NLGN1: variants seen among roughly 807,000 people sequenced by gnomAD.
NLGN1 encodes neuroligin 1.
Under a neutral mutation model 65.5 loss-of-function variants are expected in NLGN1, and 12 were observed. That is an observed-to-expected ratio of 0.18 (90% CI 0.12 to 0.30). NLGN1 has a LOEUF of 0.30. Ranked by LOEUF, NLGN1 falls within the 10% of genes least tolerant of loss-of-function variation. The probability of loss-of-function intolerance (pLI) is 1.00; values close to 1 mark genes in which losing one functional copy is unlikely to be tolerated. For synonymous variants in NLGN1, 350 were observed against 359.5 expected (o/e 0.97, Z 0.30); for missense variants, 750 against 1,007.1 (o/e 0.74, Z 3.46).
intron 4 of NLGN1, among the ~76,000 whole-genome samples, chr3:173,969,066 A>T (rs959568717): frequency 1.5e-4 from 9 of 58,584 alleles, no homozygotes; most frequent in African/African-American, 6.0e-4. Context: ...AGAAGATTTA[A>T]AAAAAAAAAT....
chr3:173,989,221 T>A (rs1720576928), intron 4 of NLGN1, among the ~76,000 whole-genome samples: 1 of 152,158 alleles, frequency 6.6e-6, no homozygotes, highest in Non-Finnish European at 1.5e-5. Context: ...ACACATTCCT[T>A]ACCATTGGGC....
rs549670531 is a variant in NLGN1, at chr3:173,490,607, G to A, written c.-321+55529G>A. On this transcript the variant is annotated intron_variant, in intron 2 of 6. Coordinates refer to ENST00000457714, the Ensembl canonical transcript of NLGN1. The stretch of plus-strand genomic sequence containing the variant: ...TTTGTGGTTCCATATGAACTTTAAA[G>A]TAGCTTTTTCCAGTTCTGTGAAGAA... Among the ~76,000 whole-genome samples the A allele has an allele frequency of 9.9e-5, 15 of 152,256 alleles. 1 individual carries two copies. The South Asian group carries it at 3.1e-3, about 32-fold the overall frequency.
chr3:173,850,076 G>A (rs1186083160), intron 4 of NLGN1, among the ~76,000 whole-genome samples: 1 of 152,066 alleles, frequency 6.6e-6, no homozygotes, highest in African/African-American at 2.4e-5. Context: ...AGAGAGAAGA[G>A]TGTGAAATAT....
At chr3:173,488,652 T>C (rs1330421720) in intron 2 of NLGN1, among the ~76,000 whole-genome samples, 3 of 152,092 alleles carry the variant, frequency 2.0e-5, no homozygotes, top group Non-Finnish European at 4.4e-5. Context: ...GGTATTGTGT[T>C]CTTGGTATTC....
intron 4 of NLGN1, among the ~76,000 whole-genome samples, chr3:173,926,714 A>C (rs1390637235): frequency 3.3e-5 from 5 of 152,176 alleles, no homozygotes; most frequent in Non-Finnish European, 7.4e-5. Context: ...ATGCTCCATG[A>C]AGGCAGGAAA....
At chr3:173,505,688 C>T (rs887383240) in intron 2 of NLGN1, among the ~76,000 whole-genome samples, 1 of 152,076 alleles carries the variant, frequency 6.6e-6, no homozygotes, top group Non-Finnish European at 1.5e-5. Context: ...GTGAAAATGT[C>T]ACTTCCTCAG....
At chr3:173,976,836 T>G (rs1050915768) in intron 4 of NLGN1, among the ~76,000 whole-genome samples, 5 of 152,188 alleles carry the variant, frequency 3.3e-5, no homozygotes, top group African/African-American at 9.6e-5. Flanking sequence ...TCTTAATAAT[T>G]TGATATTTTT....
intron 4 of NLGN1, among the ~76,000 whole-genome samples, chr3:174,203,908 A>G (rs1240777310): frequency 6.6e-6 from 1 of 152,208 alleles, no homozygotes; most frequent in Non-Finnish European, 1.5e-5. Context: ...AGATATTATA[A>G]TTTGTTTCAG....
chr3:173,718,351 A>G (rs957539595), intron 3 of NLGN1, among the ~76,000 whole-genome samples: 4 of 152,088 alleles, frequency 2.6e-5, no homozygotes, highest in African/African-American at 9.7e-5. Flanking sequence ...ACCTCCATGA[A>G]ATATCAATCT....
intron 4 of NLGN1, among the ~76,000 whole-genome samples, chr3:174,254,729 A>T (rs1745367034): frequency 6.6e-6 from 1 of 152,176 alleles, no homozygotes; most frequent in South Asian, 2.1e-4. Flanking sequence ...TCCTTTAGAA[A>T]TATAAGGATA....
At chr3:174,020,333 C>T (rs140077215) in intron 4 of NLGN1, among the ~76,000 whole-genome samples, 21 of 152,012 alleles carry the variant, frequency 1.4e-4, no homozygotes, top group African/African-American at 4.8e-4. Flanking sequence ...AACTGCACTG[C>T]CTTGGAAAGA....
chr3:173,747,569 T>A (rs1775659102), intron 3 of NLGN1, among the ~76,000 whole-genome samples: 1 of 150,328 alleles, frequency 6.7e-6, no homozygotes, highest in Non-Finnish European at 1.5e-5. Flanking sequence ...GTATATTTTT[T>A]CTTCGCAATC....
intron 4 of NLGN1, among the ~76,000 whole-genome samples, chr3:173,911,021 A>C (rs1295258988): frequency 6.6e-6 from 1 of 152,202 alleles, no homozygotes; most frequent in African/African-American, 2.4e-5. Context: ...TGCATTTCAC[A>C]CACAAATATT....
At chr3:173,668,924 A>T (rs1262863049) in intron 3 of NLGN1, among the ~76,000 whole-genome samples, 1 of 152,102 alleles carries the variant, frequency 6.6e-6, no homozygotes, top group Non-Finnish European at 1.5e-5. Context: ...GCACCAGGCC[A>T]GTTTCTTTAT....
At chr3:173,469,572 A>G (rs1417635766) in intron 2 of NLGN1, among the ~76,000 whole-genome samples, 1 of 151,968 alleles carries the variant, frequency 6.6e-6, no homozygotes, top group Non-Finnish European at 1.5e-5. Context: ...ATGCTAACTG[A>G]CATTTGGGTG....
chr3:174,161,431 TA>T (rs1254185070), intron 4 of NLGN1, among the ~76,000 whole-genome samples: 2 of 151,906 alleles, frequency 1.3e-5, no homozygotes, highest in Non-Finnish European at 2.9e-5. Flanking sequence ...ATGATTGTGT[TA>T]CCAAAACACT....
chr3:173,718,273 C>T (rs114127767), intron 3 of NLGN1, among the ~76,000 whole-genome samples: 4,926 of 151,982 alleles, frequency 0.032, 96 homozygotes, highest in South Asian at 0.071. Context: ...ATGTTTGTAC[C>T]CATTAACCAA....
At chr3:174,020,070 C>T (rs984258237) in intron 4 of NLGN1, among the ~76,000 whole-genome samples, 23 of 152,102 alleles carry the variant, frequency 1.5e-4, no homozygotes, top group Non-Finnish European at 5.9e-5. Context: ...TTAATGCACA[C>T]TTCTTTTGAA....
Position 173,485,152 on chromosome 3 carries a change from A to C in NLGN1, c.-321+50074A>C, listed in dbSNP as rs571764860. 2.9e-3 allele frequency among the ~76,000 whole-genome samples: 443 copies of C among 150,674 alleles called. 5 individuals carry two copies. The highest frequency in any genetic ancestry group is 0.011 in the African/African-American group (436 of 40,896). On this transcript the variant is annotated intron_variant, in intron 2 of 6. Coordinates refer to ENST00000457714, the Ensembl canonical transcript of NLGN1. ...AAAAAAAAAAAAAGCTTGTGCAAAAACTACCATTTTTAACTCTATCAGATC... is the reference window on the plus strand; with the variant it reads ...AAAAAAAAAAAAAGCTTGTGCAAAACCTACCATTTTTAACTCTATCAGATC...
Sources: gnomAD v4.1 joint callset for allele counts (sites outside exome capture counted in the v4.1 genomes callset) on GRCh38, gnomAD v4.1.1 for gene constraint, MANE v1.5 for transcripts, NCBI Gene and HGNC (gene_info 2026-07-23, HGNC 2026-07-21) for gene names.